SYT6: variants seen among roughly 807,000 people sequenced by gnomAD.
SYT6 encodes the protein synaptotagmin 6, also known as synaptotagmin-6.
SYT6 carries 24 observed loss-of-function variants against 38.4 expected under a neutral mutation model. The ratio of observed to expected loss-of-function variants is 0.62; its 90% CI spans 0.45 to 0.88. The LOEUF (loss-of-function observed/expected upper bound fraction) is 0.88, where lower values mean the gene tolerates loss of function less well. Among genes scored for constraint, SYT6 ranks in the 40% least tolerant of loss-of-function variants. The probability of loss-of-function intolerance (pLI) is 0.00; values close to 1 mark genes in which losing one functional copy is unlikely to be tolerated. For missense variants in SYT6, 611 were observed against 621.0 expected (o/e 0.98, Z 0.17); for synonymous variants, 265 against 241.9 (o/e 1.10, Z -0.89).
chr1:114,110,670 G>C (rs1158309696), intron 3 of SYT6, among the ~76,000 whole-genome samples: 1 of 152,162 alleles, frequency 6.6e-6, no homozygotes, highest in African/African-American at 2.4e-5. Flanking sequence ...GGTGGCAGGG[G>C]CCGGGAGAAA....
In SYT6 at chr1:114,126,775, G is replaced by A. The variant is rs372600005; in HGVS notation, c.1071+10720C>T. ...GGCACATTTGGCCGGGGGCAGGTTC[G>A]GCTTGCCCACCAGCTCTGTGCTGAA... On this transcript the variant is annotated intron_variant, in intron 3 of 7. Coordinates refer to ENST00000610222, the MANE Select transcript of SYT6 (RefSeq NM_001253772.2). 2.0e-5 allele frequency among the ~76,000 whole-genome samples: 3 copies of A among 152,196 alleles called. No individual in the cohort carries two copies. In the South Asian group the frequency reaches 6.2e-4, roughly 32 times the overall value.
chr1:114,113,894 A>G (rs931622171), intron 3 of SYT6, among the ~76,000 whole-genome samples: 3 of 152,194 alleles, frequency 2.0e-5, no homozygotes, highest in Admixed American at 6.5e-5. Flanking sequence ...AATAAAAACA[A>G]AAGCACTTAT....
At chr1:114,099,753 CCAGGGAGACA>C (rs1675852034) in intron 4 of SYT6, among the ~76,000 whole-genome samples, 1 of 152,250 alleles carries the variant, frequency 6.6e-6, no homozygotes. Context: ...TCAACAATGG[CCAGGGAGACA>C]CAATGTGTCA....
chr1:114,127,960 T>C (rs1428844546), intron 3 of SYT6, among the ~76,000 whole-genome samples: 1 of 152,184 alleles, frequency 6.6e-6, no homozygotes, highest in African/African-American at 2.4e-5. Flanking sequence ...CTTGCAGCCC[T>C]ACCAAGGACC....
intron 3 of SYT6, among the ~76,000 whole-genome samples, chr1:114,112,821 C>G (rs555297477): frequency 6.6e-6 from 1 of 152,338 alleles, no homozygotes; most frequent in Non-Finnish European, 1.5e-5. Context: ...TGCCGAGTGG[C>G]TGTCAAATAG....
intron 3 of SYT6, among the ~76,000 whole-genome samples, chr1:114,131,474 C>T (rs1259375467): frequency 2.6e-5 from 4 of 152,178 alleles, no homozygotes; most frequent in Non-Finnish European, 4.4e-5. Context: ...CTTCATGTCT[C>T]CTAACACTTC....
At chr1:114,116,282 A>C (rs1167666120) in intron 3 of SYT6, among the ~76,000 whole-genome samples, 4 of 152,146 alleles carry the variant, frequency 2.6e-5, no homozygotes, top group Non-Finnish European at 5.9e-5. Context: ...GGAAGGAGGG[A>C]GGGGGAGAAG....
Position 114,120,862 on chromosome 1 carries a change from AC to A in SYT6, c.1071+16632del, listed in dbSNP as rs555297243. Among the ~76,000 whole-genome samples the A allele has an allele frequency of 3.2e-4, 49 of 152,108 alleles. 1 individual carries two copies. The South Asian group carries it at 0.01, about 31-fold the overall frequency. Reference sequence around the variant, plus strand: ...GGTAAAGAGGGTGTGGCTGGCTAGGACCCCCTCCTACGTCACTGGAAAGACA... The same window carrying A: ...GGTAAAGAGGGTGTGGCTGGCTAGGACCCCTCCTACGTCACTGGAAAGACA... On this transcript the variant is annotated intron_variant, in intron 3 of 7. Coordinates refer to ENST00000610222, the MANE Select transcript of SYT6 (RefSeq NM_001253772.2).
At position 114,145,377 on chromosome 1, in the gene SYT6, C is replaced by T. The variant is rs114514263; in HGVS notation, c.164-5414G>A. ...GAGGCACAGAAGGTTAAATAGATTT[C>T]CCAGGTCACACAACTAGTGGGTGGT... On this transcript the variant is annotated intron_variant, in intron 1 of 7. Transcript: ENST00000610222. 6.9e-3 allele frequency among the ~76,000 whole-genome samples: 1,053 copies of T among 152,280 alleles called. 15 individuals carry two copies. The highest frequency in any genetic ancestry group is 0.024 in the African/African-American group (998 of 41,564).
intron 3 of SYT6, among the ~76,000 whole-genome samples, chr1:114,121,987 C>T (rs1266458831): frequency 1.3e-5 from 2 of 152,174 alleles, no homozygotes; most frequent in Non-Finnish European, 1.5e-5. Context: ...TTTGACAGGC[C>T]ACACAGTGGA....
At chr1:114,093,976 G>T (rs1221047031) in intron 6 of SYT6, among the ~76,000 whole-genome samples, 173 bp from the exon 7 acceptor site, 3 of 152,094 alleles carry the variant, frequency 2.0e-5, no homozygotes, top group Non-Finnish European at 4.4e-5. Flanking sequence ...TTGGTGAAAG[G>T]TACATTATAA....
At chr1:114,121,635 A>T (rs1677407631) in intron 3 of SYT6, among the ~76,000 whole-genome samples, 1 of 152,238 alleles carries the variant, frequency 6.6e-6, no homozygotes, top group South Asian at 2.1e-4. Context: ...AAAGAAGGGT[A>T]AAATATATTA....
intron 3 of SYT6, among the ~76,000 whole-genome samples, chr1:114,118,002 C>T (rs947366104): frequency 2.0e-5 from 3 of 152,208 alleles, no homozygotes; most frequent in Non-Finnish European, 2.9e-5. Flanking sequence ...TGCTGTGGAG[C>T]GGCCTCTGGC....
chr1:114,129,818 A>G lies in SYT6; in HGVS notation c.1071+7677T>C, dbSNP rs570446534. ...TCAGCCTCTGAGTTGCTGGGATTAC[A>G]GGCATGCACCACCACACCTGTTTTT... is the stretch of plus-strand genomic sequence containing the variant. On this transcript the variant is annotated intron_variant, in intron 3 of 7. Transcript: ENST00000610222. Among the ~76,000 whole-genome samples, 7 of 146,966 alleles carry G rather than the reference A, an allele frequency of 4.8e-5. No homozygotes were observed. In the East Asian group the frequency reaches 1.4e-3, roughly 29 times the overall value.
In SYT6 at chr1:114,089,510, A is replaced by C. The variant is rs181024137; in HGVS notation, c.*2624T>G. 6.6e-6 allele frequency: 1 copy of C among 152,424 alleles called. No individual in the cohort carries two copies. 9.4% of individuals were successfully genotyped at this position (152,424 alleles called of 1,614,324 possible). On this transcript the variant is annotated 3_prime_UTR_variant, in exon 8 of 8. Transcript: ENST00000610222. The stretch of plus-strand genomic sequence containing the variant: ...ATGTTTTTTAAAAAAACCTATGTGC[A>C]AATGGCCCTGGTTATCACAACTTCA...
chr1:114,111,476 A>T (rs1676673011), intron 3 of SYT6, among the ~76,000 whole-genome samples: 1 of 152,170 alleles, frequency 6.6e-6, no homozygotes, highest in Non-Finnish European at 1.5e-5. Flanking sequence ...ACACCTCCTC[A>T]CTAAATGCTC....
intron 1 of SYT6, among the ~76,000 whole-genome samples, chr1:114,140,564 C>A (rs1245956979): frequency 6.6e-6 from 1 of 152,108 alleles, no homozygotes; most frequent in African/African-American, 2.4e-5. Flanking sequence ...TGAGCATAAT[C>A]TCTTTAAGGG....
chr1:114,148,280 T>C (rs990164936), intron 1 of SYT6, among the ~76,000 whole-genome samples: 1 of 152,224 alleles, frequency 6.6e-6, no homozygotes, highest in African/African-American at 2.4e-5. Context: ...ATTGTTCCCA[T>C]TTTTCTAATG....
At chr1:114,123,130 T>C (rs1396550658) in intron 3 of SYT6, among the ~76,000 whole-genome samples, 1 of 152,192 alleles carries the variant, frequency 6.6e-6, no homozygotes, top group Non-Finnish European at 1.5e-5. Flanking sequence ...CGGCAGTGTC[T>C]CACAGGGCCC....
Sources: gnomAD v4.1 joint callset for allele counts (sites outside exome capture counted in the v4.1 genomes callset) on GRCh38, gnomAD v4.1.1 for gene constraint, MANE v1.5 for transcripts, NCBI Gene and HGNC (gene_info 2026-07-23, HGNC 2026-07-21) for gene names.